Variants in STK38 observed in about 807,000 individuals in gnomAD.
The protein encoded by STK38 is serine/threonine kinase 38.
Under a neutral mutation model 59.0 loss-of-function variants are expected in STK38, and 26 were observed. The ratio of observed to expected loss-of-function variants is 0.44; its 90% CI spans 0.32 to 0.61. The LOEUF is 0.61. Among genes scored for constraint, STK38 ranks in the 20% least tolerant of loss-of-function variants. The pLI is 0.04. For synonymous variants in STK38, 175 were observed against 176.6 expected (o/e 0.99, Z 0.07); for missense variants, 433 against 566.0 (o/e 0.76, Z 2.38).
At position 36,498,383 on chromosome 6, in the gene STK38, T is replaced by G. The variant is rs1488582332; in HGVS notation, c.1056A>C (p.Lys352Asn). 6.2e-7 allele frequency: 1 copy of G among 1,613,640 alleles called. No homozygotes were observed. Among genetic ancestry groups the G allele is most frequent in the Non-Finnish European group, 8.5e-7 (1 of 1,179,904 alleles). Residue 352 changes from lysine (K) to asparagine (N), a missense_variant, in exon 11 of 14, where the codon AAA becomes AAC. Physicochemically the swap from Lys to Asn is moderately conservative, Grantham distance 94 (BLOSUM62 0). Transcript: ENST00000229812. ...TFPPEVPISE[K>N]AKDLILRFCC... ...AATACCTCAAAATTAGATCCTTGGC[T>G]TTCTCAGAGATGGGAACTTCTGGAG...
At chr6:36,516,523 G>A (rs77954384) in intron 6 of STK38, among the ~76,000 whole-genome samples, 4,145 of 152,228 alleles carry the variant, frequency 0.027, 196 homozygotes, top group African/African-American at 0.092. Context: ...GAGAAAAGTA[G>A]CTATTTTTCC....
chr6:36,525,839 T>G (rs527924319), intron 2 of STK38, among the ~76,000 whole-genome samples, 197 bp from the exon 3 acceptor site: 1 of 151,032 alleles, frequency 6.6e-6, no homozygotes, highest in South Asian at 2.1e-4. Flanking sequence ...TACTTTTTTT[T>G]GGCGGGGGGA....
chr6:36,503,039 A>G (rs993949806), intron 9 of STK38, among the ~76,000 whole-genome samples: 1 of 152,180 alleles, frequency 6.6e-6, no homozygotes. Context: ...GTCTTTTGCT[A>G]TTATGAAAAT....
At chr6:36,499,827 C>CT (rs1776794637) in intron 10 of STK38, 46 bp downstream of exon 10, 1 of 1,447,808 alleles carries the variant, frequency 6.9e-7, no homozygotes, top group African/African-American at 1.4e-5. Context: ...ATGTAAAAGT[C>CT]TGTCATGGAT....
At chr6:36,522,666 T>C (rs932168206) in intron 4 of STK38, among the ~76,000 whole-genome samples, 1 of 151,980 alleles carries the variant, frequency 6.6e-6, no homozygotes, top group Admixed American at 6.6e-5. Flanking sequence ...GAGACCAGCC[T>C]GGCCAACCTG....
chr6:36,535,132 T>C (rs1302988457), intron 2 of STK38, among the ~76,000 whole-genome samples: 1 of 152,048 alleles, frequency 6.6e-6, no homozygotes, highest in Non-Finnish European at 1.5e-5. Flanking sequence ...AAAACACTGT[T>C]GAGAAAAACT....
chr6:36,527,201 A>T (rs1377437784), intron 2 of STK38, among the ~76,000 whole-genome samples: 1 of 124,486 alleles, frequency 8.0e-6, no homozygotes, highest in African/African-American at 3.2e-5. Context: ...CAAAAAAAAA[A>T]AAAAAAATAT....
intron 2 of STK38, among the ~76,000 whole-genome samples, chr6:36,529,519 C>G (rs1777615785): frequency 6.6e-6 from 1 of 152,136 alleles, no homozygotes; most frequent in South Asian, 2.1e-4. Flanking sequence ...TGTTCAAAAC[C>G]AGAACCCTAG....
chr6:36,529,428 C>T (rs765964516), intron 2 of STK38, among the ~76,000 whole-genome samples: 8 of 152,196 alleles, frequency 5.3e-5, no homozygotes, highest in Non-Finnish European at 1.2e-4. Context: ...GGACTCTCCA[C>T]ACAGGCATGT....
chr6:36,515,805 C>T (rs951295105), intron 6 of STK38, among the ~76,000 whole-genome samples: 2 of 152,150 alleles, frequency 1.3e-5, no homozygotes, highest in South Asian at 2.1e-4. Context: ...TTTTTGGACT[C>T]GGGGTAAAAT....
intron 7 of STK38, among the ~76,000 whole-genome samples, chr6:36,509,624 G>A (rs1561977393): frequency 6.6e-6 from 1 of 151,342 alleles, no homozygotes; most frequent in Non-Finnish European, 1.5e-5. Flanking sequence ...GGGGGTGGGG[G>A]GGTGATGACC....
chr6:36,521,995 A>G (rs534546759), intron 4 of STK38, among the ~76,000 whole-genome samples, 178 bp from the exon 5 acceptor site: 142 of 152,356 alleles, frequency 9.3e-4, no homozygotes, highest in African/African-American at 3.0e-3. Flanking sequence ...CATTACACAC[A>G]GTAAAGTCGA....
intron 7 of STK38, among the ~76,000 whole-genome samples, chr6:36,513,704 G>A (rs1777170558): frequency 6.6e-6 from 1 of 151,728 alleles, no homozygotes; most frequent in African/African-American, 2.4e-5. Flanking sequence ...CTCCACTTCT[G>A]CACATTATAA....
chr6:36,540,814 C>T (rs902519169), intron 1 of STK38, among the ~76,000 whole-genome samples: 1 of 151,992 alleles, frequency 6.6e-6, no homozygotes, highest in Non-Finnish European at 1.5e-5. Context: ...TTAGTAGAGA[C>T]GGGGCCACCT....
intron 1 of STK38, among the ~76,000 whole-genome samples, chr6:36,546,988 G>A (rs1489785450): frequency 1.3e-5 from 2 of 152,144 alleles, no homozygotes; most frequent in Admixed American, 6.6e-5. Context: ...ATGTGGAGAG[G>A]GCCAACAAGG....
At chr6:36,543,350 C>G (rs1054323377) in intron 1 of STK38, among the ~76,000 whole-genome samples, 4 of 152,140 alleles carry the variant, frequency 2.6e-5, no homozygotes, top group African/African-American at 9.6e-5. Flanking sequence ...CAGGCGTGAG[C>G]CACCATGCCC....
Position 36,495,916 on chromosome 6 carries a change from T to C in STK38, c.1268-2A>G, listed in dbSNP as rs754945260. 3 of 1,613,434 alleles carry C rather than the reference T, an allele frequency of 1.9e-6. No homozygotes were observed. The highest frequency in any genetic ancestry group is 2.5e-6 in the Non-Finnish European group (3 of 1,179,620). ...TCTCAGGATGATTACTTGTGGCCACTGGGAAAGAAATAGATGTGAGAGTTG... is the reference window on the plus strand; with the variant it reads ...TCTCAGGATGATTACTTGTGGCCACCGGGAAAGAAATAGATGTGAGAGTTG... On this transcript the variant is annotated splice_acceptor_variant, in intron 13 of 13. Transcript: ENST00000229812. LOFTEE classifies it high-confidence loss of function.
chr6:36,510,790 G>A (rs780067062), intron 7 of STK38, among the ~76,000 whole-genome samples: 12 of 152,152 alleles, frequency 7.9e-5, no homozygotes, highest in South Asian at 2.1e-4. Flanking sequence ...ATGGCTTGCC[G>A]TTAAAATGGC....
In STK38 at chr6:36,499,971, G is replaced by A; in HGVS notation, c.854C>T (p.Thr285Ile). The change falls in exon 10 of 14, where the codon ACT becomes ATT. Residue 285 changes from threonine (T) to isoleucine (I), a missense_variant. Coordinates refer to ENST00000229812, the MANE Select transcript of STK38 (RefSeq NM_007271.4). ...CACCTCAGGAGCAATGTAGTCAGGA[G>A]TGCCTACTGTGGAGAAGGCCTGAAA... is the stretch of plus-strand genomic sequence containing the variant. ...RRQLAFSTVG[T>I]PDYIAPEVFM... The A allele has an allele frequency of 6.2e-6, 10 of 1,613,930 alleles. No individual in the cohort carries two copies. The highest frequency in any genetic ancestry group is 8.5e-6 in the Non-Finnish European group (10 of 1,179,882).
Sources: allele counts gnomAD v4.1 joint callset (sites outside exome capture counted in the v4.1 genomes callset), GRCh38; gene constraint gnomAD v4.1.1; transcripts MANE v1.5; gene names NCBI Gene and HGNC (gene_info 2026-07-23, HGNC 2026-07-21).